The following EDIL3 variants were observed in gnomAD, a reference collection of about 807,000 sequenced individuals.
EDIL3 encodes EGF-like repeat and discoidin I-like domain-containing protein 3.
Under a neutral mutation model 67.4 loss-of-function variants are expected in EDIL3, and 37 were observed. The observed-to-expected ratio is 0.55, with a 90% CI of 0.42 to 0.72. EDIL3 has a LOEUF of 0.72. Ranked by LOEUF, EDIL3 falls within the 30% of genes least tolerant of loss-of-function variation. The probability of loss-of-function intolerance (pLI) is 0.00; values close to 1 mark genes in which losing one functional copy is unlikely to be tolerated. For missense variants in EDIL3, 527 were observed against 586.3 expected (o/e 0.90, Z 1.04); for synonymous variants, 195 against 196.3 (o/e 0.99, Z 0.05).
At chr5:84,354,245 A>T (rs557014659) in intron 1 of EDIL3, among the ~76,000 whole-genome samples, 19 of 152,304 alleles carry the variant, frequency 1.2e-4, no homozygotes, top group African/African-American at 4.3e-4. Flanking sequence ...GAAGAAAGCC[A>T]TGTGAGTGTC....
intron 1 of EDIL3, among the ~76,000 whole-genome samples, chr5:84,269,423 T>G: frequency 1.9e-5 from 1 of 51,680 alleles, no homozygotes; most frequent in East Asian, 2.0e-3. Flanking sequence ...TCATTCAAAA[T>G]TTTTATTCTG....
intron 3 of EDIL3, among the ~76,000 whole-genome samples, chr5:84,208,329 A>T (rs1580377649): frequency 6.6e-6 from 1 of 152,192 alleles, no homozygotes; most frequent in Admixed American, 6.5e-5. Flanking sequence ...AGAGAAATGC[A>T]AATCAAAACC....
chr5:84,252,202 A>G (rs1246983083), intron 2 of EDIL3, among the ~76,000 whole-genome samples: 1 of 152,150 alleles, frequency 6.6e-6, no homozygotes, highest in East Asian at 1.9e-4. Context: ...TTACTTTAAA[A>G]TTCGGCTGGC....
chr5:83,965,398 A>G (rs537582989), intron 9 of EDIL3, among the ~76,000 whole-genome samples: 6 of 152,096 alleles, frequency 3.9e-5, no homozygotes, highest in Non-Finnish European at 8.8e-5. Flanking sequence ...CTGAGCAGAG[A>G]CAGCAGGGCA....
rs563542280 is a variant in EDIL3 at position 84,143,110 on chromosome 5, G to T, written c.356-5756C>A. ...TATGATCTTTCAATTTCTCTTTAAA[G>T]ATTGAATTTCTATTTAAGATGAATT... is the stretch of plus-strand genomic sequence containing the variant. On this transcript the variant is annotated intron_variant, in intron 4 of 10. Transcript: ENST00000296591. Among the ~76,000 whole-genome samples, 55 of 151,934 alleles carry T rather than the reference G, an allele frequency of 3.6e-4. 1 individual carries two copies. The highest frequency in any genetic ancestry group is 1.3e-3 in the African/African-American group (54 of 41,454).
chr5:83,961,999 G>A (rs143744625), intron 10 of EDIL3, among the ~76,000 whole-genome samples: 7 of 151,418 alleles, frequency 4.6e-5, no homozygotes, highest in African/African-American at 1.7e-4. Flanking sequence ...GTTCTGAGAT[G>A]TTAACATGTG....
intron 1 of EDIL3, among the ~76,000 whole-genome samples, chr5:84,264,751 G>A (rs1436514432): frequency 6.6e-6 from 1 of 152,084 alleles, no homozygotes; most frequent in African/African-American, 2.4e-5. Flanking sequence ...ATTGAATTTA[G>A]CTGCTGTATA....
chr5:84,137,417 A>G (rs1748113122), intron 4 of EDIL3, 63 bp from the exon 5 acceptor site: 2 of 1,427,890 alleles, frequency 1.4e-6, no homozygotes, highest in Non-Finnish European at 1.9e-6. Context: ...GATATTGGAA[A>G]GTTTTAACAT....
intron 2 of EDIL3, among the ~76,000 whole-genome samples, chr5:84,248,382 T>C (rs1230216211): frequency 6.6e-6 from 1 of 152,222 alleles, no homozygotes; most frequent in Non-Finnish European, 1.5e-5. Flanking sequence ...TCCTTCTACC[T>C]GACTACTCTG....
In EDIL3 at chr5:84,377,594, A is replaced by T. The variant is rs567608378; in HGVS notation, c.67+6714T>A. Among the ~76,000 whole-genome samples, 14 of 152,292 alleles carry T rather than the reference A, an allele frequency of 9.2e-5. No individual in the cohort carries two copies. The East Asian group carries it at 2.5e-3, about 27-fold the overall frequency. ...TTAAAGGATTATTTTGCATTCCCAA[A>T]ATATACCACTTTGTTAAATACCAAG... On this transcript the variant is annotated intron_variant, in intron 1 of 10. Coordinates refer to ENST00000296591, the MANE Select transcript of EDIL3 (RefSeq NM_005711.5).
At chr5:84,145,665 G>A (rs1286482460) in intron 4 of EDIL3, among the ~76,000 whole-genome samples, 1 of 152,048 alleles carries the variant, frequency 6.6e-6, no homozygotes, top group African/African-American at 2.4e-5. Context: ...CTATAATCAC[G>A]TTTGGTATGT....
intron 10 of EDIL3, among the ~76,000 whole-genome samples, chr5:83,949,266 A>G (rs145583758): frequency 6.6e-6 from 1 of 151,808 alleles, no homozygotes; most frequent in African/African-American, 2.4e-5. Context: ...TGGAACCATT[A>G]CCCTCCAAAG....
chr5:83,951,874 C>T (rs1380790580), intron 10 of EDIL3, among the ~76,000 whole-genome samples: 1 of 151,658 alleles, frequency 6.6e-6, no homozygotes, highest in African/African-American at 2.4e-5. Flanking sequence ...TTAGGGAATC[C>T]TATTCTGCCC....
intron 9 of EDIL3, among the ~76,000 whole-genome samples, chr5:83,987,242 G>C (rs1392295195): frequency 1.3e-5 from 2 of 152,038 alleles, no homozygotes; most frequent in Admixed American, 1.3e-4. Flanking sequence ...TACTCCATTT[G>C]CAAATAGCTT....
At chr5:84,352,885 C>G (rs1311713136) in intron 1 of EDIL3, among the ~76,000 whole-genome samples, 1 of 152,000 alleles carries the variant, frequency 6.6e-6, no homozygotes, top group African/African-American at 2.4e-5. Flanking sequence ...ACAATTCCTC[C>G]CTCACTTCTC....
intron 3 of EDIL3, among the ~76,000 whole-genome samples, chr5:84,193,328 G>A (rs1258955613): frequency 6.6e-6 from 1 of 151,940 alleles, no homozygotes; most frequent in Non-Finnish European, 1.5e-5. Context: ...ATTGGACAGA[G>A]AAGGGTCGAA....
intron 5 of EDIL3, among the ~76,000 whole-genome samples, chr5:84,116,969 C>G (rs922430733): frequency 2.7e-5 from 4 of 147,242 alleles, no homozygotes; most frequent in African/African-American, 1.0e-4. Flanking sequence ...ATTTATTGTA[C>G]GTAATAATAA....
At chr5:84,124,760 C>A (rs1364486036) in intron 5 of EDIL3, among the ~76,000 whole-genome samples, 2 of 151,862 alleles carry the variant, frequency 1.3e-5, no homozygotes, top group South Asian at 2.1e-4. Context: ...TTTGTGGGAA[C>A]TTTTGTAGTG....
In EDIL3 at chr5:84,060,467, C is replaced by A. The variant is rs772124861; in HGVS notation, c.970G>T (p.Gly324Cys). 2 of 1,613,432 alleles carry A rather than the reference C, an allele frequency of 1.2e-6. No homozygotes were observed. Among genetic ancestry groups the A allele is most frequent in the Non-Finnish European group, 1.7e-6 (2 of 1,179,726 alleles). ...TCTTGTATATGTCCTGATTTCATAC[C>A]CAGAGGCTCAGAACAACCTGAAAGA... ...CELSGCSEPLGMKSGHIQDYQ... is the reference protein window; with the variant it reads ...CELSGCSEPLCMKSGHIQDYQ... Residue 324 changes from glycine to cysteine, a missense_variant, in exon 9 of 11, where the codon GGT becomes TGT. Gly to Cys is a radical substitution (Grantham distance 159). This residue lies in a region of EDIL3 where 494 missense variants were observed against 522.5 expected (regional missense o/e 0.95). Transcript: ENST00000296591.
Sources: gnomAD v4.1 joint callset for allele counts (sites outside exome capture counted in the v4.1 genomes callset) on GRCh38, gnomAD v4.1.1 for gene constraint, gnomAD v4.1.1 regional missense constraint, MANE v1.5 for transcripts, NCBI Gene and HGNC (gene_info 2026-07-23, HGNC 2026-07-21) for gene names.